ZAN: variants seen among roughly 807,000 people sequenced by gnomAD.
The protein encoded by ZAN is zonadhesin (gene/pseudogene).
In ZAN, 260 loss-of-function variants were observed where a neutral mutation model predicts 286.2. The ratio of observed to expected loss-of-function variants is 0.91; its 90% CI spans 0.82 to 1.01. ZAN has a LOEUF of 1.01. ZAN is among the 50% of genes least tolerant of loss of function. The pLI, the probability that ZAN is intolerant of heterozygous loss-of-function variation, is 0.00. For synonymous variants in ZAN, 1,368 were observed against 1,417.5 expected (o/e 0.97, Z 0.79); for missense variants, 3,410 against 3,639.2 (o/e 0.94, Z 1.62).
intron 17 of ZAN, 34 bp downstream of exon 17, chr7:100,758,684 G>A (rs753120500): frequency 6.5e-7 from 1 of 1,546,902 alleles, no homozygotes; most frequent in South Asian, 1.2e-5. Flanking sequence ...GGCCTGGGGG[G>A]AGGGTCTGTG....
Position 100,738,462 on chromosome 7 carries a change from C to T in ZAN, c.615C>T (p.Val205=), listed in dbSNP as rs1467105654. The T allele has an allele frequency of 6.8e-7, 1 of 1,465,910 alleles. No homozygotes were observed. The highest frequency in any genetic ancestry group is 2.5e-5 in the East Asian group (1 of 40,594). The allele number at this position is 1,465,910 out of a possible 1,614,324, so 90.8% of individuals were successfully genotyped here. Residue 205 remains valine (V), a splice_region_variant and synonymous_variant, in exon 7 of 48, where the codon GTC becomes GTT. Coordinates refer to ENST00000613979, the MANE Select transcript of ZAN (RefSeq NM_003386.3). ...CTTCCCTTCTTTCTTTCCTCTCAGT[C>T]TGTATGATGCAAACATGCAGCTTTG... ...LSIRRGSCNR[V]CMMQTCSFDI...
At position 100,750,845 on chromosome 7, in the gene ZAN, C is replaced by A; in HGVS notation, c.1470C>A (p.Tyr490Ter). The A allele has an allele frequency of 6.3e-7, 1 of 1,587,076 alleles. No individual in the cohort carries two copies. Among genetic ancestry groups the A allele is most frequent in the Non-Finnish European group, 8.6e-7 (1 of 1,164,950 alleles). The stretch of plus-strand genomic sequence containing the variant: ...AACGCGTGGGGTCTCAGCGCCCTTA[C>A]TGGCAGAACACCTCCGTCACCGTCC... ...LWKRVGSQRP[Y>*]WQNTSVTVPS... is the part of the protein sequence containing the mutation. The change falls in exon 12 of 48, where the codon TAC (tyrosine) becomes TAA (stop). Residue 490 changes from tyrosine (Y) to a stop codon, truncating the protein, a stop_gained. Transcript: ENST00000613979. LOFTEE classifies it high-confidence loss of function.
rs900229274 is a variant in ZAN at position 100,794,324 on chromosome 7, CG to C, written c.8125+67del. On this transcript the variant is annotated intron_variant, in intron 44 of 47. Transcript: ENST00000613979. ...CCTGGGGCGTCCATGGACCAAGGAT[CG>C]TCCCCTCCTTGTCCTCAGGACTCTT... 28 of 1,524,728 alleles carry C rather than the reference CG, an allele frequency of 1.8e-5. No individual in the cohort carries two copies. In the African/African-American group the frequency reaches 3.3e-4, roughly 18 times the overall value. The allele number at this position is 1,524,728 out of a possible 1,614,324, so 94.4% of individuals were successfully genotyped here. A position where few individuals can be genotyped will look rare whatever the true frequency, so the allele number is the denominator to read the frequency against.
At position 100,793,980 on chromosome 7, in the gene ZAN, GC is replaced by G. The variant is rs1312808000; in HGVS notation, c.7949del (p.Ala2650ValfsTer19). The G allele has an allele frequency of 6.2e-7, 1 of 1,613,590 alleles. No individual in the cohort carries two copies. Among genetic ancestry groups the G allele is most frequent in the Non-Finnish European group, 8.5e-7 (1 of 1,179,820 alleles). ...ACAGTGGCACCCAGAGCCTCCCCTG[GC>G]TGACTGTGGCTGCACCAGCAATGGC... ...CLQWHPEPPL[A>X]DCGCTSNGIY... On this transcript the variant is annotated frameshift_variant, in exon 43 of 48. Transcript: ENST00000613979. LOFTEE classifies it high-confidence loss of function.
chr7:100,749,040 A>G (rs2115773433), intron 11 of ZAN, among the ~76,000 whole-genome samples: 1 of 151,684 alleles, frequency 6.6e-6, no homozygotes, highest in East Asian at 1.9e-4. Flanking sequence ...GTCTCTAAAA[A>G]TTAAAAATAA....
rs149495314 is a variant in ZAN at position 100,744,416 on chromosome 7, T to C, written c.767-2122T>C. ...GAGTCCGAGACCAGCCTGGCCAACA[T>C]AGCGAAACCCGTCTCTACTAAAAAT... On this transcript the variant is annotated intron_variant, in intron 7 of 47. Coordinates refer to ENST00000613979, the MANE Select transcript of ZAN (RefSeq NM_003386.3). Among the ~76,000 whole-genome samples, 1,699 of 150,384 alleles carry C rather than the reference T, an allele frequency of 0.011. 84 individuals carry two copies. In the East Asian group the frequency reaches 0.14, roughly 13 times the overall value.
At chr7:100,770,890 G>C (rs1048664786) in intron 28 of ZAN, among the ~76,000 whole-genome samples, 2 of 151,962 alleles carry the variant, frequency 1.3e-5, no homozygotes, top group African/African-American at 4.8e-5. Flanking sequence ...TGCAACCTCT[G>C]CCTCCCAGGC....
Position 100,784,730 on chromosome 7 carries a change from TG to T in ZAN, c.6731del (p.Cys2244SerfsTer13). On this transcript the variant is annotated frameshift_variant, in exon 36 of 48. Transcript: ENST00000613979. LOFTEE classifies it high-confidence loss of function. Reference protein sequence around the residue: ...RCEGAKVPSACAEGCICQPGY... With the variant: ...RCEGAKVPSAXAEGCICQPGY... The stretch of plus-strand genomic sequence containing the variant: ...TGAGGGCGCCAAAGTCCCCTCTGCC[TG>T]CGCTGAGGGCTGCATTTGTCAGCCC... 1 of 1,613,956 alleles carries T rather than the reference TG, an allele frequency of 6.2e-7. No homozygotes were observed. Among genetic ancestry groups the T allele is most frequent in the Non-Finnish European group, 8.5e-7 (1 of 1,179,880 alleles).
chr7:100,790,157 G>A (rs559920332), intron 39 of ZAN, among the ~76,000 whole-genome samples: 1 of 152,184 alleles, frequency 6.6e-6, no homozygotes, highest in South Asian at 2.1e-4. Context: ...CCAGCTACTG[G>A]AAAGGCCGAG....
intron 7 of ZAN, among the ~76,000 whole-genome samples, chr7:100,740,445 C>T (rs1218028422): frequency 1.3e-5 from 1 of 74,368 alleles, no homozygotes; most frequent in Admixed American, 1.3e-4. Context: ...GAGGACCCTG[C>T]GGCCTTCCGC....
chr7:100,753,041 C>G lies in ZAN; in HGVS notation c.2936C>G (p.Pro979Arg), dbSNP rs1344358180. The G allele has an allele frequency of 6.2e-7, 1 of 1,612,368 alleles. No homozygotes were observed. Among genetic ancestry groups the G allele is most frequent in the South Asian group, 1.1e-5 (1 of 90,894 alleles). Residue 979 changes from proline (P) to arginine (R), a missense_variant, in exon 14 of 48, where the codon CCC (proline) becomes CGC (arginine). By Grantham distance (103) the Pro-to-Arg change is moderately radical. This residue lies in a region of ZAN where 1,042 missense variants were observed against 1,058.0 expected (regional missense o/e 0.98). Coordinates refer to ENST00000613979, the MANE Select transcript of ZAN (RefSeq NM_003386.3). The part of the protein sequence containing the change: ...PTIPTEKLTI[P>R]TEKPTIPTEK... ...ATCCCCACGGAAAAACTTACCATCC[C>G]CACGGAAAAACCCACCATCCCCACA...
At chr7:100,746,877 G>A (rs1045653926) in intron 8 of ZAN, among the ~76,000 whole-genome samples, 175 bp downstream of exon 8, 7 of 152,108 alleles carry the variant, frequency 4.6e-5, no homozygotes, top group Non-Finnish European at 8.8e-5. Flanking sequence ...CGAGGCAGGC[G>A]GATCACGAGG....
intron 35 of ZAN, among the ~76,000 whole-genome samples, chr7:100,781,581 T>C (rs1240461514): frequency 6.6e-6 from 1 of 150,496 alleles, no homozygotes; most frequent in Non-Finnish European, 1.5e-5. Flanking sequence ...GTGGGTCCAG[T>C]GTGACCAGAT....
At position 100,773,409 on chromosome 7, in the gene ZAN, TCAGAAAGG is replaced by T. The variant is rs1368033067; in HGVS notation, c.5552_5559del (p.Gln1851ProfsTer18). On this transcript the variant is annotated frameshift_variant, in exon 30 of 48. Coordinates refer to ENST00000613979, the MANE Select transcript of ZAN (RefSeq NM_003386.3). LOFTEE classifies it high-confidence loss of function. ...TGCCCTGTGCTGAGAGCTGTGAATGTCAGAAAGGCCACATCTTGAGTGGAACCTCCTGC... is the reference window on the plus strand; with the variant it reads ...TGCCCTGTGCTGAGAGCTGTGAATGTCCACATCTTGAGTGGAACCTCCTGC... 1 of 1,613,992 alleles carries T rather than the reference TCAGAAAGG, an allele frequency of 6.2e-7. No homozygotes were observed. Among genetic ancestry groups the T allele is most frequent in the Non-Finnish European group, 8.5e-7 (1 of 1,179,888 alleles).
chr7:100,736,185 C>T (rs1807277751), intron 3 of ZAN, among the ~76,000 whole-genome samples: 1 of 141,818 alleles, frequency 7.1e-6, no homozygotes, highest in Admixed American at 7.0e-5. Context: ...TGCTCTGGAC[C>T]CCAAGGCTTT....
At position 100,750,910 on chromosome 7, in the gene ZAN, GC is replaced by G. The variant is rs1348655984; in HGVS notation, c.1521+15del. ...CAGCCCATGCAGGTGAGAGACGGAG[GC>G]GGGGGTCCTGTCTGTGTGAGGTGAG... On this transcript the variant is annotated intron_variant, in intron 12 of 47. Transcript: ENST00000613979. The G allele has an allele frequency of 6.5e-7, 1 of 1,530,958 alleles. No individual in the cohort carries two copies. The highest frequency in any genetic ancestry group is 8.8e-7 in the Non-Finnish European group (1 of 1,138,152). 94.8% of individuals were successfully genotyped at this position (1,530,958 alleles called of 1,614,324 possible).
Position 100,779,601 on chromosome 7 carries a change from A to G in ZAN, c.6473A>G (p.Asp2158Gly), listed in dbSNP as rs774561601. 4.4e-6 allele frequency: 7 copies of G among 1,607,626 alleles called. No individual in the cohort carries two copies. The East Asian group carries it at 1.3e-4, about 31-fold the overall frequency. The change falls in exon 35 of 48, where the codon GAC becomes GGC. Residue 2158 changes from aspartate (D) to glycine (G), a missense_variant. Coordinates refer to ENST00000613979, the MANE Select transcript of ZAN (RefSeq NM_003386.3). ...PVWAQCASRIDLTPFLVDCAN... is the reference protein window; with the variant it reads ...PVWAQCASRIGLTPFLVDCAN... Reference sequence around the variant, plus strand: ...TGGGCCCAGTGCGCCTCCCGCATAGACCTCACGCCCTTCCTGGTGGACTGT... The same window carrying G: ...TGGGCCCAGTGCGCCTCCCGCATAGGCCTCACGCCCTTCCTGGTGGACTGT...
At chr7:100,773,522 C>G (rs183888003) in intron 30 of ZAN, 29 bp downstream of exon 30, 1 of 1,607,746 alleles carries the variant, frequency 6.2e-7, no homozygotes, top group Non-Finnish European at 8.5e-7. Flanking sequence ...GGGGCCCCGC[C>G]CTTTCCAGGC....
At position 100,772,001 on chromosome 7, in the gene ZAN, G is replaced by T; in HGVS notation, c.5406G>T (p.Trp1802Cys). 3 of 1,604,052 alleles carry T rather than the reference G, an allele frequency of 1.9e-6. No individual in the cohort carries two copies. The highest frequency in any genetic ancestry group is 2.5e-6 in the Non-Finnish European group (3 of 1,177,904). Residue 1802 changes from tryptophan (W) to cysteine (C), a missense_variant, in exon 29 of 48, where the codon TGG (tryptophan) becomes TGT (cysteine). Trp to Cys is a radical substitution (Grantham distance 215). Transcript: ENST00000613979. ...CCCAGGCTGGCCAGGCCCCTGCCTG[G>T]CGGAACAGAACCTTCTGCCGTGAGT... ...LCAQAGQAPAWRNRTFCPMRC... is the reference protein window; with the variant it reads ...LCAQAGQAPACRNRTFCPMRC...
Sources: gnomAD v4.1 joint callset for allele counts (sites outside exome capture counted in the v4.1 genomes callset) on GRCh38, gnomAD v4.1.1 for gene constraint, gnomAD v4.1.1 regional missense constraint, MANE v1.5 for transcripts, NCBI Gene and HGNC (gene_info 2026-07-23, HGNC 2026-07-21) for gene names.